The following EDRF1 variants were observed in gnomAD, a reference collection of about 807,000 sequenced individuals.
The protein encoded by EDRF1 is erythroid differentiation regulatory factor 1.
EDRF1 carries 69 observed loss-of-function variants against 148.7 expected under a neutral mutation model. The ratio of observed to expected loss-of-function variants is 0.46; its 90% confidence interval spans 0.38 to 0.57. The LOEUF is 0.57. EDRF1 is among the 20% of genes least tolerant of loss of function. The pLI, the probability that EDRF1 is intolerant of heterozygous loss-of-function variation, is 0.00. For missense variants in EDRF1, 1,118 were observed against 1,478.7 expected (o/e 0.76, Z 4.00); for synonymous variants, 515 against 532.8 (o/e 0.97, Z 0.46).
rs1488789616 is a variant in EDRF1 at position 125,749,488 on chromosome 10, A to C, written c.3200A>C (p.Gln1067Pro). 12 of 1,614,092 alleles carry C rather than the reference A, an allele frequency of 7.4e-6. No homozygotes were observed. The highest frequency in any genetic ancestry group is 1.0e-5 in the Non-Finnish European group (12 of 1,180,046). Residue 1067 changes from glutamine to proline, a missense_variant, in exon 22 of 25, where the codon CAG (glutamine) becomes CCG (proline). By Grantham distance (76) the Gln-to-Pro change is moderately conservative (BLOSUM62 -1). Transcript: ENST00000356792. ...LHYSKAAKLFQLLKDAPCELL... is the reference protein window; with the variant it reads ...LHYSKAAKLFPLLKDAPCELL... ...TACAGCAAGGCCGCAAAGCTGTTTCAGCTGCTGAAAGATGCTCCCTGCGAA... is the reference window on the plus strand; with the variant it reads ...TACAGCAAGGCCGCAAAGCTGTTTCCGCTGCTGAAAGATGCTCCCTGCGAA...
At chr10:125,739,598 C>T (rs901911455) in intron 15 of EDRF1, among the ~76,000 whole-genome samples, 14 of 152,114 alleles carry the variant, frequency 9.2e-5, no homozygotes, top group African/African-American at 3.4e-4. Context: ...CTTATATCAG[C>T]AGAGGAAAAA....
intron 22 of EDRF1, 140 bp downstream of exon 22, chr10:125,749,705 G>A: frequency 1.0e-6 from 1 of 967,590 alleles, no homozygotes; most frequent in Non-Finnish European, 1.6e-6. Context: ...GGGTAGAGAG[G>A]GTGAGAAATC....
intron 2 of EDRF1, among the ~76,000 whole-genome samples, chr10:125,721,853 A>G (rs1334690473): frequency 2.6e-5 from 4 of 152,248 alleles, no homozygotes; most frequent in African/African-American, 9.6e-5. Flanking sequence ...ATGTTGGGTG[A>G]CCTACACCTT....
chr10:125,735,734 A>G lies in EDRF1; in HGVS notation c.1588A>G (p.Asn530Asp), dbSNP rs1848694946. 1 of 1,613,518 alleles carries G rather than the reference A, an allele frequency of 6.2e-7. No individual in the cohort carries two copies. The highest frequency in any genetic ancestry group is 1.3e-5 in the African/African-American group (1 of 74,910). ...AAATTCAGAATCTCCTTTAAATGAG[A>G]ATTCTGATGAAAGTTATAGTGAAGA... is the stretch of plus-strand genomic sequence containing the variant. ...EENSESPLNENSDESYSEEEE... is the reference protein window; with the variant it reads ...EENSESPLNEDSDESYSEEEE... Residue 530 changes from asparagine to aspartate, a missense_variant, in exon 13 of 25, where the codon AAT becomes GAT. By Grantham distance (23) the Asn-to-Asp change is conservative. Coordinates refer to ENST00000356792, the MANE Select transcript of EDRF1 (RefSeq NM_001202438.2).
At chr10:125,742,564 T>C in intron 17 of EDRF1, 1 of 985,344 alleles carries the variant, frequency 1.0e-6, no homozygotes, top group Non-Finnish European at 1.2e-6. Flanking sequence ...GGAAAGTCCT[T>C]GGTGTATTTT....
chr10:125,758,494 A>G (rs1850025713), intron 24 of EDRF1, among the ~76,000 whole-genome samples: 1 of 152,084 alleles, frequency 6.6e-6, no homozygotes, highest in Admixed American at 6.6e-5. Context: ...TCCCCCTGCT[A>G]CGGCTTTAGT....
intron 8 of EDRF1, among the ~76,000 whole-genome samples, chr10:125,729,891 A>G (rs1848419663): frequency 6.6e-6 from 1 of 152,240 alleles, no homozygotes; most frequent in Non-Finnish European, 1.5e-5. Flanking sequence ...CCTACTAACT[A>G]CTTGTGAGCA....
chr10:125,723,761 A>G (rs535518532), intron 3 of EDRF1, 50 bp from the exon 4 acceptor site: 1 of 1,558,638 alleles, frequency 6.4e-7, no homozygotes, highest in African/African-American at 1.4e-5. Flanking sequence ...AAGATTCCAA[A>G]TCACACTAAA....
At position 125,735,910 on chromosome 10, in the gene EDRF1, C is replaced by G; in HGVS notation, c.1758+6C>G. On this transcript the variant is annotated splice_donor_region_variant and intron_variant, in intron 13 of 24. Coordinates refer to ENST00000356792, the MANE Select transcript of EDRF1 (RefSeq NM_001202438.2). ...AATCTATTCATCAAATCAGAGTAAG[C>G]CTTTAGAATTTATATTAAATTTTTA... 2 of 1,598,820 alleles carry G rather than the reference C, an allele frequency of 1.3e-6. No individual in the cohort carries two copies. Among genetic ancestry groups the G allele is most frequent in the Non-Finnish European group, 1.7e-6 (2 of 1,169,608 alleles).
chr10:125,733,875 A>C, intron 11 of EDRF1, 132 bp downstream of exon 11: 1 of 922,510 alleles, frequency 1.1e-6, no homozygotes, highest in Non-Finnish European at 1.7e-6. Context: ...ATACACGTAC[A>C]CATTGTACCA....
At chr10:125,744,572 G>A (rs1206361800) in intron 18 of EDRF1, among the ~76,000 whole-genome samples, 1 of 152,180 alleles carries the variant, frequency 6.6e-6, no homozygotes, top group African/African-American at 2.4e-5. Flanking sequence ...GAGAACCTGT[G>A]CATTTACGGT....
In EDRF1 at chr10:125,763,262, C is replaced by T. The variant is rs1431149796; in HGVS notation, c.3546-39C>T. ...ACCTCTGAATTGTCGGTAGGCATTG[C>T]TGGTCCCTTACCTGTCTCTTTTTCT... On this transcript the variant is annotated intron_variant, in intron 24 of 24. Transcript: ENST00000356792. This position sits in a 1 kb window ranked among gnomAD's most constrained non-coding sequence, Gnocchi z 4.3. 6.3e-7 allele frequency: 1 copy of T among 1,590,986 alleles called. No individual in the cohort carries two copies. Among genetic ancestry groups the T allele is most frequent in the Non-Finnish European group, 8.6e-7 (1 of 1,166,630 alleles).
chr10:125,736,587 A>C (rs555052342), intron 13 of EDRF1, among the ~76,000 whole-genome samples: 1 of 152,276 alleles, frequency 6.6e-6, no homozygotes, highest in African/African-American at 2.4e-5. Context: ...CACTGAGTGT[A>C]ACTTTCAGAT....
At chr10:125,760,413 TTATTAA>T (rs1438733660) in intron 24 of EDRF1, among the ~76,000 whole-genome samples, 1 of 152,230 alleles carries the variant, frequency 6.6e-6, no homozygotes, top group African/African-American at 2.4e-5. Context: ...TTTATTTAGG[TTATTAA>T]TATTCTGCTG....
chr10:125,752,557 T>A (rs1414426657), intron 22 of EDRF1, among the ~76,000 whole-genome samples: 1 of 152,192 alleles, frequency 6.6e-6, no homozygotes, highest in Admixed American at 6.5e-5. Context: ...TCTGAAAAAG[T>A]GGCCTGTCTT....
chr10:125,730,550 G>A, intron 9 of EDRF1, 151 bp downstream of exon 9: 1 of 698,054 alleles, frequency 1.4e-6, no homozygotes, highest in South Asian at 1.5e-5. Flanking sequence ...CATTTAAGTT[G>A]GTGATAACAG....
At chr10:125,735,186 A>G (rs1032047525) in intron 12 of EDRF1, among the ~76,000 whole-genome samples, 2 of 139,456 alleles carry the variant, frequency 1.4e-5, no homozygotes, top group African/African-American at 5.1e-5. Flanking sequence ...TTCCCTTTTT[A>G]ATGTAATGGT....
At chr10:125,744,242 A>ATTTTTT in intron 18 of EDRF1, among the ~76,000 whole-genome samples, 1 of 147,972 alleles carries the variant, frequency 6.8e-6, no homozygotes. Context: ...TTTTTGAGAC[A>ATTTTTT]GGGTTTTACT....
chr10:125,733,918 A>G (rs1194323113), intron 11 of EDRF1, among the ~76,000 whole-genome samples, 154 bp from the exon 12 acceptor site: 1 of 152,164 alleles, frequency 6.6e-6, no homozygotes, highest in Non-Finnish European at 1.5e-5. Flanking sequence ...CCACCATAGT[A>G]TAAACGTTTT....
Sources: gnomAD v4.1 joint callset for allele counts (sites outside exome capture counted in the v4.1 genomes callset) on GRCh38, gnomAD v4.1.1 for gene constraint, Gnocchi (gnomAD v3.1) non-coding constraint, MANE v1.5 for transcripts, NCBI Gene and HGNC (gene_info 2026-07-23, HGNC 2026-07-21) for gene names.